Variants in SRRM4 observed in about 807,000 individuals in gnomAD.
SRRM4 encodes serine/arginine repetitive matrix 4, also known as serine/arginine repetitive matrix protein 4.
A neutral mutation model predicts 68.9 loss-of-function variants in SRRM4; 33 were observed. The ratio of observed to expected loss-of-function variants is 0.48; its 90% CI spans 0.36 to 0.64. The LOEUF is 0.64. Among genes scored for constraint, SRRM4 ranks in the 30% least tolerant of loss-of-function variants. The pLI, the probability that SRRM4 is intolerant of heterozygous loss-of-function variation, is 0.00. For synonymous variants in SRRM4, 318 were observed against 318.8 expected (o/e 1.00, Z 0.03); for missense variants, 817 against 827.1 (o/e 0.99, Z 0.15).
At position 119,130,820 on chromosome 12, in the gene SRRM4, T is replaced by A; in HGVS notation, c.757T>A (p.Ser253Thr). The A allele has an allele frequency of 6.2e-7, 1 of 1,605,250 alleles. No homozygotes were observed. The highest frequency in any genetic ancestry group is 2.2e-5 in the East Asian group (1 of 44,856). Residue 253 changes from serine (S) to threonine (T), a missense_variant, in exon 8 of 13, where the codon TCA becomes ACA. Coordinates refer to ENST00000267260, the MANE Select transcript of SRRM4 (RefSeq NM_194286.4). ...ACCCCTCCAGATGCTTGGCTACCTG[T>A]CAGCCAGGGGTGTAGTAAGTATTCT... ...SQPLQMLGYL[S>T]ARGVITGSGS...
At chr12:119,038,569 T>C (rs926092673) in intron 1 of SRRM4, among the ~76,000 whole-genome samples, 2 of 152,218 alleles carry the variant, frequency 1.3e-5, no homozygotes. Flanking sequence ...TATTTGTTCC[T>C]GGAACTTGCT....
intron 1 of SRRM4, among the ~76,000 whole-genome samples, chr12:119,049,559 C>A (rs370229151): frequency 6.6e-6 from 1 of 152,096 alleles, no homozygotes; most frequent in South Asian, 2.1e-4. Flanking sequence ...CAGAGAGTAG[C>A]TTTAAGGGAA....
intron 1 of SRRM4, among the ~76,000 whole-genome samples, chr12:118,988,832 A>G (rs990090281): frequency 6.6e-6 from 1 of 152,200 alleles, no homozygotes; most frequent in African/African-American, 2.4e-5. Flanking sequence ...AGCCAAGGAA[A>G]GGAATAGAGG....
chr12:119,094,721 G>C (rs1592895833), intron 1 of SRRM4, among the ~76,000 whole-genome samples: 1 of 152,166 alleles, frequency 6.6e-6, no homozygotes, highest in African/African-American at 2.4e-5. Flanking sequence ...CCTCTCTGTG[G>C]GTCCACTGCC....
chr12:119,106,466 G>T (rs1360980416), intron 2 of SRRM4, among the ~76,000 whole-genome samples: 2 of 151,968 alleles, frequency 1.3e-5, no homozygotes, highest in Non-Finnish European at 2.9e-5. Flanking sequence ...CCATTTGTTT[G>T]TGTCCTCTTT....
chr12:119,133,782 C>G (rs922613559), intron 8 of SRRM4, among the ~76,000 whole-genome samples: 17 of 152,208 alleles, frequency 1.1e-4, no homozygotes, highest in Admixed American at 1.0e-3. Context: ...GGGTCAGGCT[C>G]TGACTTATCT....
intron 4 of SRRM4, among the ~76,000 whole-genome samples, chr12:119,118,520 G>T (rs1335144964): frequency 6.6e-6 from 1 of 152,222 alleles, no homozygotes; most frequent in African/African-American, 2.4e-5. Context: ...CACCTGCCCA[G>T]ACTTCCTGAC....
At chr12:119,150,927 C>A in intron 9 of SRRM4, 90 bp from the exon 10 acceptor site, 2 of 1,264,306 alleles carry the variant, frequency 1.6e-6, no homozygotes, top group Non-Finnish European at 2.3e-6. Context: ...ATGAGAGCAC[C>A]ACAGCCTAGG....
At chr12:119,135,295 A>G (rs1232004162) in intron 8 of SRRM4, among the ~76,000 whole-genome samples, 3 of 152,300 alleles carry the variant, frequency 2.0e-5, no homozygotes, top group African/African-American at 7.2e-5. Flanking sequence ...GAATTCTAGA[A>G]GGAGGCTGAT....
intron 1 of SRRM4, among the ~76,000 whole-genome samples, chr12:119,051,453 G>C (rs1446160777): frequency 6.6e-6 from 1 of 152,178 alleles, no homozygotes; most frequent in Non-Finnish European, 1.5e-5. Flanking sequence ...AAGTTACAGG[G>C]AAGCTGCTTT....
In SRRM4 at chr12:119,154,331, A is replaced by G; in HGVS notation, c.1480A>G (p.Arg494Gly). The change falls in exon 12 of 13, where the codon AGA (arginine) becomes GGA (glycine). Residue 494 changes from arginine to glycine, a missense_variant. By Grantham distance (125) the Arg-to-Gly change is moderately radical. Coordinates refer to ENST00000267260, the MANE Select transcript of SRRM4 (RefSeq NM_194286.4). This position sits in a 1 kb window ranked among gnomAD's most constrained non-coding sequence, Gnocchi z 4.7. ...RRRRRSYSPM[R>G]KRRRDSPSHL... ...GAGACGTCGGTCCTACTCGCCTATG[A>G]GAAAGCGCCGGAGAGACTCCCCGAG... 6.2e-7 allele frequency: 1 copy of G among 1,613,284 alleles called. No individual in the cohort carries two copies. The highest frequency in any genetic ancestry group is 8.5e-7 in the Non-Finnish European group (1 of 1,179,766).
chr12:119,063,244 C>A (rs1301334316), intron 1 of SRRM4, among the ~76,000 whole-genome samples: 1 of 152,210 alleles, frequency 6.6e-6, no homozygotes. Flanking sequence ...ATGCACATGA[C>A]TCCCATGGCC....
intron 2 of SRRM4, among the ~76,000 whole-genome samples, chr12:119,113,608 A>C (rs1283763859): frequency 6.6e-6 from 1 of 152,188 alleles, no homozygotes; most frequent in Non-Finnish European, 1.5e-5. Flanking sequence ...TCCAATTCCC[A>C]AGCAGTTTTT....
intron 7 of SRRM4, among the ~76,000 whole-genome samples, chr12:119,128,271 C>T (rs968298890): frequency 9.2e-5 from 14 of 152,210 alleles, no homozygotes; most frequent in African/African-American, 2.9e-4. Context: ...AAGCATCTCT[C>T]TACCCTGCCT....
chr12:119,112,054 G>A (rs4767781), intron 2 of SRRM4, among the ~76,000 whole-genome samples: 10,049 of 139,304 alleles, frequency 0.072, 365 homozygotes, highest in Admixed American at 0.1. Context: ...TCAAAAAAAA[G>A]AAAAAAAAAA....
chr12:119,143,495 T>A (rs1468822055), intron 8 of SRRM4, among the ~76,000 whole-genome samples: 1 of 152,142 alleles, frequency 6.6e-6, no homozygotes, highest in Non-Finnish European at 1.5e-5. Flanking sequence ...GATCTGAAAG[T>A]TAGTTATGAA....
At chr12:119,057,423 C>T (rs1953783601) in intron 1 of SRRM4, among the ~76,000 whole-genome samples, 1 of 152,198 alleles carries the variant, frequency 6.6e-6, no homozygotes. Flanking sequence ...TCAGCTCCCA[C>T]TTAGAAGTGA....
intron 1 of SRRM4, among the ~76,000 whole-genome samples, chr12:119,100,134 T>C (rs767238227): frequency 1.3e-5 from 2 of 152,114 alleles, no homozygotes; most frequent in Admixed American, 6.5e-5. Flanking sequence ...GATTATTATA[T>C]ACAAAGTAGC....
intron 1 of SRRM4, among the ~76,000 whole-genome samples, chr12:119,091,032 G>C (rs987586554): frequency 2.6e-5 from 4 of 152,068 alleles, no homozygotes; most frequent in African/African-American, 4.8e-5. Context: ...TTTGTGGCTT[G>C]TCTGGTCTGT....
Sources: allele counts gnomAD v4.1 joint callset (sites outside exome capture counted in the v4.1 genomes callset), GRCh38; gene constraint gnomAD v4.1.1; non-coding constraint Gnocchi (gnomAD v3.1); transcripts MANE v1.5; gene names NCBI Gene and HGNC (gene_info 2026-07-23, HGNC 2026-07-21).